Variants in PCDHGA11 observed in about 807,000 individuals in gnomAD.
The protein encoded by PCDHGA11 is protocadherin gamma-A11.
PCDHGA11 carries 39 observed loss-of-function variants against 60.4 expected under a neutral mutation model. That is an observed-to-expected ratio of 0.65 (90% CI 0.50 to 0.84). The LOEUF is 0.84. Among genes scored for constraint, PCDHGA11 ranks in the 40% least tolerant of loss-of-function variants. The pLI is 0.00. For missense variants in PCDHGA11, 1,165 were observed against 1,197.7 expected (o/e 0.97, Z 0.40); for synonymous variants, 533 against 510.3 (o/e 1.04, Z -0.60).
chr5:141,485,106 TGGCTGTTTGGGGCGGGTC>T lies in PCDHGA11; in HGVS notation c.2434-9696_2434-9679del. 1 of 1,206,448 alleles carries T rather than the reference TGGCTGTTTGGGGCGGGTC, an allele frequency of 8.3e-7. No homozygotes were observed. The highest frequency in any genetic ancestry group is 1.2e-6 in the Non-Finnish European group (1 of 828,284). 74.7% of individuals were successfully genotyped at this position (1,206,448 alleles called of 1,614,324 possible). Reference sequence around the variant, plus strand: ...GGGAGATAGGTGTCTCCAGCTGCTGTGGCTGTTTGGGGCGGGTCGGCTTCATCCGCGTCTCAGGAGCAA... The same window carrying T: ...GGGAGATAGGTGTCTCCAGCTGCTGTGGCTTCATCCGCGTCTCAGGAGCAA... On this transcript the variant is annotated intron_variant, in intron 1 of 3. Coordinates refer to ENST00000398587, the MANE Select transcript of PCDHGA11 (RefSeq NM_018914.3). This position sits in a 1 kb window ranked among gnomAD's most constrained non-coding sequence, Gnocchi z 5.7.
chr5:141,485,745 T>C lies in PCDHGA11; in HGVS notation c.2434-9062T>C. 3 of 1,614,146 alleles carry C rather than the reference T, an allele frequency of 1.9e-6. No individual in the cohort carries two copies. Among genetic ancestry groups the C allele is most frequent in the Non-Finnish European group, 2.5e-6 (3 of 1,179,986 alleles). ...AAGAAGCGCAGCGACGGCAGCCTGGTCCCAGAGCTGCTCCTGGAGAAGCCT... is the reference window on the plus strand; with the variant it reads ...AAGAAGCGCAGCGACGGCAGCCTGGCCCCAGAGCTGCTCCTGGAGAAGCCT... On this transcript the variant is annotated intron_variant, in intron 1 of 3. Transcript: ENST00000398587. This position sits in a 1 kb window ranked among gnomAD's most constrained non-coding sequence, Gnocchi z 5.7.
chr5:141,439,162 C>T (rs1422780686), intron 1 of PCDHGA11, among the ~76,000 whole-genome samples: 1 of 149,498 alleles, frequency 6.7e-6, no homozygotes, highest in Non-Finnish European at 1.5e-5. Flanking sequence ...CACTGCACTC[C>T]AGCCTGGGCG....
chr5:141,468,815 A>G (rs866523229), intron 1 of PCDHGA11, among the ~76,000 whole-genome samples: 7 of 151,958 alleles, frequency 4.6e-5, no homozygotes, highest in Middle Eastern at 3.4e-3. Context: ...GCAGTGAGCC[A>G]AGATCAAGCC....
intron 1 of PCDHGA11, chr5:141,428,598 C>T (rs2097150047): frequency 4.5e-6 from 1 of 224,296 alleles, no homozygotes; most frequent in African/African-American, 2.3e-5. Context: ...TAGCAAGCTT[C>T]ACTGAAGAGA....
Position 141,422,041 on chromosome 5 carries a change from G to T in PCDHGA11, c.814G>T (p.Glu272Ter). Residue 272 changes from glutamate to a stop codon, truncating the protein, a stop_gained, in exon 1 of 4, where the codon GAG (glutamate) becomes TAG (stop). Transcript: ENST00000398587. LOFTEE classifies it high-confidence loss of function. ...GATGGTTAATGCAACGGATCCAGACGAGGGAATCAACGGGGAAGTAATGTA... is the reference window on the plus strand; with the variant it reads ...GATGGTTAATGCAACGGATCCAGACTAGGGAATCAACGGGGAAGTAATGTA... ...VLMVNATDPD[E>*]GINGEVMYSF... 1.9e-6 allele frequency: 3 copies of T among 1,611,632 alleles called. No homozygotes were observed. The highest frequency in any genetic ancestry group is 1.1e-5 in the South Asian group (1 of 90,464).
At chr5:141,456,936 C>G (rs1012944904) in intron 1 of PCDHGA11, among the ~76,000 whole-genome samples, 20 of 152,190 alleles carry the variant, frequency 1.3e-4, no homozygotes, top group African/African-American at 4.3e-4. Context: ...GCACTCCAGC[C>G]TGGGCAACAG....
At chr5:141,505,567 T>A in intron 3 of PCDHGA11, 86 bp downstream of exon 3, 2 of 1,599,440 alleles carry the variant, frequency 1.3e-6, no homozygotes, top group Non-Finnish European at 1.7e-6. Context: ...ACGGACTGGA[T>A]GTCAAACCTG....
chr5:141,459,406 A>C (rs2098967498), intron 1 of PCDHGA11, among the ~76,000 whole-genome samples: 1 of 152,218 alleles, frequency 6.6e-6, no homozygotes, highest in Admixed American at 6.5e-5. Flanking sequence ...GCAGTATTGC[A>C]TTGTGTGGAT....
intron 1 of PCDHGA11, 93 bp downstream of exon 1, chr5:141,423,753 G>GC (rs1489142243): frequency 4.8e-6 from 3 of 626,014 alleles, no homozygotes; most frequent in African/African-American, 5.1e-5. Context: ...AACTGTTTGG[G>GC]GGGGGGGTGG....
chr5:141,457,676 A>G (rs1380484149), intron 1 of PCDHGA11, among the ~76,000 whole-genome samples: 2 of 152,240 alleles, frequency 1.3e-5, no homozygotes, highest in East Asian at 3.8e-4. Flanking sequence ...TTATTTCTAC[A>G]TAGGACTTTT....
Position 141,431,354 on chromosome 5 carries a change from G to GCC in PCDHGA11, c.2433+7696_2433+7697dup. The GCC allele has an allele frequency of 6.2e-7, 1 of 1,614,036 alleles. No individual in the cohort carries two copies. Among genetic ancestry groups the GCC allele is most frequent in the African/African-American group, 1.3e-5 (1 of 75,052 alleles). On this transcript the variant is annotated intron_variant, in intron 1 of 3. Transcript: ENST00000398587. This position sits in a 1 kb window ranked among gnomAD's most constrained non-coding sequence, Gnocchi z 4.8. Reference sequence around the variant, plus strand: ...GTACCCCGAATTGGTGCTGAAACGCGCCCTGGACCGCGAAGAAAAGGCTGC... The same window carrying GCC: ...GTACCCCGAATTGGTGCTGAAACGCGCCCCCTGGACCGCGAAGAAAAGGCTGC...
In PCDHGA11 at chr5:141,494,836, C is replaced by G. The variant is rs1016713543; in HGVS notation, c.2463C>G (p.Phe821Leu). ...CCCCGCCCAACACGGACTGGCGTTT[C>G]TCTCAGGCCCAGAGACCCGGCACCA... ...QQAPPNTDWR[F>L]SQAQRPGTSG... The change falls in exon 2 of 4, where the codon TTC (phenylalanine) becomes TTG (leucine). Residue 821 changes from phenylalanine (F) to leucine (L), a missense_variant. Phe to Leu is a conservative substitution (Grantham distance 22, BLOSUM62 0). Coordinates refer to ENST00000398587, the MANE Select transcript of PCDHGA11 (RefSeq NM_018914.3). 1.9e-6 allele frequency: 3 copies of G among 1,614,054 alleles called. No individual in the cohort carries two copies. The highest frequency in any genetic ancestry group is 2.7e-5 in the African/African-American group (2 of 74,932).
chr5:141,484,940 G>C, intron 1 of PCDHGA11: 1 of 541,138 alleles, frequency 1.8e-6, no homozygotes, highest in Non-Finnish European at 3.3e-6. Flanking sequence ...GACGTTCTCT[G>C]CTCAGCCTAT....
At position 141,491,117 on chromosome 5, in the gene PCDHGA11, G is replaced by A; in HGVS notation, c.2434-3690G>A. ...CTGTTCCTCGTGTCTACACACACTGGTGAGGTGCGCACAGCCCGGGCCTTA... is the reference window on the plus strand; with the variant it reads ...CTGTTCCTCGTGTCTACACACACTGATGAGGTGCGCACAGCCCGGGCCTTA... On this transcript the variant is annotated intron_variant, in intron 1 of 3. Coordinates refer to ENST00000398587, the MANE Select transcript of PCDHGA11 (RefSeq NM_018914.3). The surrounding 1 kb of genome is among the most constrained non-coding windows in gnomAD (Gnocchi z 6.9). 1 of 1,614,196 alleles carries A rather than the reference G, an allele frequency of 6.2e-7. No homozygotes were observed.
intron 1 of PCDHGA11, among the ~76,000 whole-genome samples, chr5:141,454,062 A>T (rs548960162): frequency 6.6e-6 from 1 of 152,380 alleles, no homozygotes; most frequent in East Asian, 1.9e-4. Context: ...CAAAGAAACA[A>T]AAGTGATAAT....
At chr5:141,470,872 TTTTTTGTTTTTG>T (rs900302332) in intron 1 of PCDHGA11, among the ~76,000 whole-genome samples, 1 of 151,814 alleles carries the variant, frequency 6.6e-6, no homozygotes, top group Non-Finnish European at 1.5e-5. Context: ...GTTTGTTTGT[TTTTTTGTTTTTG>T]TTTTTGTTTT....
chr5:141,503,077 TCTC>T (rs1212079220), intron 2 of PCDHGA11, among the ~76,000 whole-genome samples: 1 of 151,810 alleles, frequency 6.6e-6, no homozygotes, highest in African/African-American at 2.4e-5. Flanking sequence ...ATGGTCTCGA[TCTC>T]CTGACCTCGT....
At chr5:141,460,341 C>T (rs557699438) in intron 1 of PCDHGA11, among the ~76,000 whole-genome samples, 39 of 152,110 alleles carry the variant, frequency 2.6e-4, no homozygotes, top group Admixed American at 2.4e-3. Flanking sequence ...ATGATTTTCT[C>T]CTATATTTTC....
chr5:141,491,560 T>C lies in PCDHGA11; in HGVS notation c.2434-3247T>C. 1 of 1,613,986 alleles carries C rather than the reference T, an allele frequency of 6.2e-7. No homozygotes were observed. Among genetic ancestry groups the C allele is most frequent in the Non-Finnish European group, 8.5e-7 (1 of 1,180,026 alleles). ...GCCCACAGACTCGCAGAGCCACTGCTACAGGACGTGCTTTTCACCGGCCTC... is the reference window on the plus strand; with the variant it reads ...GCCCACAGACTCGCAGAGCCACTGCCACAGGACGTGCTTTTCACCGGCCTC... On this transcript the variant is annotated intron_variant, in intron 1 of 3. Coordinates refer to ENST00000398587, the MANE Select transcript of PCDHGA11 (RefSeq NM_018914.3). This position sits in a 1 kb window ranked among gnomAD's most constrained non-coding sequence, Gnocchi z 6.9.
Sources: gnomAD v4.1 joint callset for allele counts (sites outside exome capture counted in the v4.1 genomes callset) on GRCh38, gnomAD v4.1.1 for gene constraint, Gnocchi (gnomAD v3.1) non-coding constraint, MANE v1.5 for transcripts, NCBI Gene and HGNC (gene_info 2026-07-23, HGNC 2026-07-21) for gene names.